The following PCDHA9 variants were observed in gnomAD, a reference collection of about 807,000 sequenced individuals.
PCDHA9 encodes the protein protocadherin alpha-9.
Under a neutral mutation model 62.0 loss-of-function variants are expected in PCDHA9, and 62 were observed. The observed-to-expected ratio is 1.00, with a 90% CI of 0.81 to 1.23. The LOEUF is 1.23. PCDHA9 is among the 50% of genes most tolerant of loss of function. The probability of loss-of-function intolerance (pLI) is 0.00; values close to 1 mark genes in which losing one functional copy is unlikely to be tolerated. For missense variants in PCDHA9, 1,205 were observed against 1,249.8 expected (o/e 0.96, Z 0.54); for synonymous variants, 557 against 567.6 (o/e 0.98, Z 0.27).
In PCDHA9 at chr5:140,850,295, C is replaced by T. The variant is rs2150478300; in HGVS notation, c.1800C>T (p.Asp600=). The change falls in exon 1 of 4, where the codon GAC becomes GAT. Residue 600 remains aspartate (D), a synonymous_variant. Coordinates refer to ENST00000532602, the MANE Select transcript of PCDHA9 (RefSeq NM_031857.2). ...VVGKVRAVDA[D]SGYNAWLSYE... is the part of the protein sequence containing the mutation. The stretch of plus-strand genomic sequence containing the variant: ...GGAAGGTGCGCGCAGTGGACGCCGA[C>T]TCGGGCTACAACGCGTGGCTTTCAT... 1 of 1,596,420 alleles carries T rather than the reference C, an allele frequency of 6.3e-7. No homozygotes were observed. Among genetic ancestry groups the T allele is most frequent in the South Asian group, 1.1e-5 (1 of 90,488 alleles).
intron 1 of PCDHA9, chr5:140,883,371 T>C (rs2059578130): frequency 1.2e-6 from 2 of 1,614,152 alleles, no homozygotes; most frequent in East Asian, 4.5e-5. Flanking sequence ...CCTAGCGCCA[T>C]TATTGCCCTA....
chr5:140,890,439 A>G (rs114755692), intron 1 of PCDHA9, among the ~76,000 whole-genome samples: 1 of 152,210 alleles, frequency 6.6e-6, no homozygotes, highest in Non-Finnish European at 1.5e-5. Context: ...TACAATACCT[A>G]GTGATATCTT....
At chr5:140,987,681 G>A (rs1554249426) in intron 3 of PCDHA9, among the ~76,000 whole-genome samples, 2 of 152,184 alleles carry the variant, frequency 1.3e-5, no homozygotes, top group Non-Finnish European at 2.9e-5. Context: ...TTAGTAAATA[G>A]TAGCTATTTT....
intron 1 of PCDHA9, among the ~76,000 whole-genome samples, chr5:140,897,713 A>C (rs2066278692): frequency 1.3e-5 from 2 of 152,302 alleles, no homozygotes; most frequent in East Asian, 3.9e-4. Flanking sequence ...CAGTAATGGG[A>C]TGGCTGGGTC....
chr5:140,991,244 G>A (rs535469323), intron 3 of PCDHA9, among the ~76,000 whole-genome samples: 2 of 152,278 alleles, frequency 1.3e-5, no homozygotes, highest in South Asian at 4.1e-4. Flanking sequence ...GGTAAAGGCA[G>A]TATTTGAACT....
At chr5:140,854,039 C>G (rs1301679696) in intron 1 of PCDHA9, 1 of 287,104 alleles carries the variant, frequency 3.5e-6, no homozygotes, top group Admixed American at 6.8e-5. Context: ...GCACACATCT[C>G]TAGTCCCAAT....
chr5:140,957,076 A>C (rs1554222802), intron 1 of PCDHA9, among the ~76,000 whole-genome samples: 1 of 152,174 alleles, frequency 6.6e-6, no homozygotes, highest in Non-Finnish European at 1.5e-5. Context: ...AGGGCTTTTT[A>C]TTAAGGAAAA....
rs185481644 is a variant in PCDHA9, at chr5:140,906,049, T to C, written c.2394+55160T>C. 1.7e-3 allele frequency among the ~76,000 whole-genome samples: 263 copies of C among 152,304 alleles called. 2 individuals are homozygous for C. Among genetic ancestry groups the C allele is most frequent in the African/African-American group, 5.9e-3 (247 of 41,562 alleles). ...TTCTTCTGTCTGCTTTTATTCTGGC[T>C]GCACTGGCAGCTGATTAGATCGCAC... On this transcript the variant is annotated intron_variant, in intron 1 of 3. Transcript: ENST00000532602.
intron 1 of PCDHA9, chr5:140,869,367 T>G (rs2051076893): frequency 6.2e-7 from 1 of 1,614,002 alleles, no homozygotes; most frequent in South Asian, 1.1e-5. Context: ...TTGTGAATTC[T>G]CGGATCGACC....
rs372058384 is a variant in PCDHA9, at chr5:140,875,718, C to T, written c.2394+24829C>T. ...TTCTGGAGGTAAATCTGCAGAATGGCATTTTGTTTGTGAATTCTCGGATCG... is the reference window on the plus strand; with the variant it reads ...TTCTGGAGGTAAATCTGCAGAATGGTATTTTGTTTGTGAATTCTCGGATCG... On this transcript the variant is annotated intron_variant, in intron 1 of 3. Coordinates refer to ENST00000532602, the MANE Select transcript of PCDHA9 (RefSeq NM_031857.2). 2.4e-5 allele frequency: 38 copies of T among 1,614,182 alleles called. 1 individual carries two copies. The highest frequency in any genetic ancestry group is 2.7e-5 in the Non-Finnish European group (32 of 1,180,048).
Position 140,910,016 on chromosome 5 carries a change from G to C in PCDHA9, c.2394+59127G>C, listed in dbSNP as rs375687025. Among the ~76,000 whole-genome samples the C allele has an allele frequency of 3.5e-4, 54 of 152,290 alleles. No individual in the cohort carries two copies. The South Asian group carries it at 0.011, about 32-fold the overall frequency. ...ATAAATTGTTGTCAGTGTCATCCTT[G>C]TATCCCTGGGATAAATCCCACTTGG... On this transcript the variant is annotated intron_variant, in intron 1 of 3. Coordinates refer to ENST00000532602, the MANE Select transcript of PCDHA9 (RefSeq NM_031857.2).
At chr5:140,911,449 C>G (rs1554194734) in intron 1 of PCDHA9, among the ~76,000 whole-genome samples, 1 of 152,116 alleles carries the variant, frequency 6.6e-6, no homozygotes, top group Non-Finnish European at 1.5e-5. Context: ...AATTTCAGCT[C>G]TTTCTCTACA....
chr5:140,856,803 A>G, intron 1 of PCDHA9: 4 of 1,595,568 alleles, frequency 2.5e-6, no homozygotes, highest in Non-Finnish European at 3.4e-6. Flanking sequence ...AAGATGTATG[A>G]AAATCAAGTG....
rs142842369 is a variant in PCDHA9, at chr5:140,884,425, T to G, written c.2394+33536T>G. ...TGGTGCTCACGTTGCTGCTGTATAC[T>G]GCGCTGCGGTGCTCGGCACCGCCCA... On this transcript the variant is annotated intron_variant, in intron 1 of 3. Coordinates refer to ENST00000532602, the MANE Select transcript of PCDHA9 (RefSeq NM_031857.2). 1.3e-3 allele frequency: 2,026 copies of G among 1,613,950 alleles called. 4 individuals carry two copies. Among genetic ancestry groups the G allele is most frequent in the Admixed American group, 3.6e-3 (219 of 60,032 alleles).
rs141394050 is a variant in PCDHA9 at position 140,948,629 on chromosome 5, T to C, written c.2395-30320T>C. 8.2e-3 allele frequency among the ~76,000 whole-genome samples: 1,244 copies of C among 151,828 alleles called. 11 individuals are homozygous for C. Among genetic ancestry groups the C allele is most frequent in the Non-Finnish European group, 0.013 (908 of 67,578 alleles). On this transcript the variant is annotated intron_variant, in intron 1 of 3. Transcript: ENST00000532602. ...TTTTGGCACAAAGTTGTTAATAATA[T>C]TCTCTCATCTTTTAACGTCTGTATA...
intron 1 of PCDHA9, chr5:140,852,582 ATTT>A: frequency 7.2e-6 from 5 of 693,510 alleles, no homozygotes; most frequent in Non-Finnish European, 8.9e-6. Context: ...AGGCTTTTTT[ATTT>A]TTTTTTTTTG....
At chr5:140,873,334 C>A (rs1182965928) in intron 1 of PCDHA9, among the ~76,000 whole-genome samples, 1 of 152,156 alleles carries the variant, frequency 6.6e-6, no homozygotes, top group African/African-American at 2.4e-5. Context: ...GCATACATTA[C>A]TCATCTCCAG....
chr5:140,926,420 T>G, intron 1 of PCDHA9: 1 of 152,792 alleles, frequency 6.5e-6, no homozygotes, highest in Non-Finnish European at 1.5e-5. Context: ...GGGCAGAGGA[T>G]GTGGAGGTTA....
intron 1 of PCDHA9, among the ~76,000 whole-genome samples, chr5:140,951,121 C>A (rs1223231581): frequency 6.9e-6 from 1 of 145,374 alleles, no homozygotes; most frequent in African/African-American, 2.6e-5. Context: ...TCATTCCTTA[C>A]CAATAAGTTT....
Sources: allele counts gnomAD v4.1 joint callset (sites outside exome capture counted in the v4.1 genomes callset), GRCh38; gene constraint gnomAD v4.1.1; transcripts MANE v1.5; gene names NCBI Gene and HGNC (gene_info 2026-07-23, HGNC 2026-07-21).